The following RBM39 variants were observed in gnomAD, a reference collection of about 807,000 sequenced individuals.
RBM39 encodes the protein RNA-binding protein 39.
RBM39 carries 12 observed loss-of-function variants against 79.6 expected under a neutral mutation model. That is an observed-to-expected ratio of 0.15 (90% CI 0.10 to 0.24). The LOEUF (loss-of-function observed/expected upper bound fraction) is 0.24, where lower values mean the gene tolerates loss of function less well. Among genes scored for constraint, RBM39 ranks in the 10% least tolerant of loss-of-function variants. The pLI is 1.00. For synonymous variants in RBM39, 185 were observed against 208.4 expected (o/e 0.89, Z 0.97); for missense variants, 243 against 653.4 (o/e 0.37, Z 6.85).
At chr20:35,724,862 A>G (rs773715172) in intron 7 of RBM39, 140 bp from the exon 8 acceptor site, 5 of 1,171,498 alleles carry the variant, frequency 4.3e-6, no homozygotes, top group Admixed American at 2.5e-5. Context: ...CCTATATCCT[A>G]TCTTTATCTT....
At chr20:35,734,219 A>G in intron 3 of RBM39, 1 of 1,303,760 alleles carries the variant, frequency 7.7e-7, no homozygotes, top group Non-Finnish European at 1.0e-6. Flanking sequence ...CTCCAATCAC[A>G]AGGAGATGTA....
rs1600641114 is a variant in RBM39 at position 35,736,710 on chromosome 20, G to C, written c.101+2258C>G. The C allele has an allele frequency of 1.0e-5, 4 of 400,448 alleles. 1 individual carries two copies. Among genetic ancestry groups the C allele is most frequent in the African/African-American group, 8.4e-5 (4 of 47,658 alleles). The allele number at this position is 400,448 out of a possible 1,614,324, so 24.8% of individuals were successfully genotyped here. On this transcript the variant is annotated intron_variant, in intron 3 of 16. Transcript: ENST00000253363. ...TCTGTCTCCAGGCTGGAGTACAATGGCATAATCTCAGCTCATTACAACCTC... is the reference window on the plus strand; with the variant it reads ...TCTGTCTCCAGGCTGGAGTACAATGCCATAATCTCAGCTCATTACAACCTC...
intron 9 of RBM39, among the ~76,000 whole-genome samples, chr20:35,719,780 C>A (rs2037671727): frequency 6.6e-6 from 1 of 152,154 alleles, no homozygotes; most frequent in Non-Finnish European, 1.5e-5. Flanking sequence ...ACACAGATTT[C>A]TCAAATATCC....
chr20:35,707,917 C>A, intron 13 of RBM39: 1 of 466,398 alleles, frequency 2.1e-6, no homozygotes, highest in Non-Finnish European at 4.4e-6. Context: ...AAAAATATTA[C>A]CAGTAGCTGT....
intron 2 of RBM39, chr20:35,739,863 GTTTAT>G (rs1378773004): frequency 3.4e-5 from 6 of 175,458 alleles, no homozygotes; most frequent in South Asian, 1.1e-4. Flanking sequence ...TTAGTGAAAT[GTTTAT>G]TTTAAAGTTT....
chr20:35,736,443 T>A (rs75134728), intron 3 of RBM39: 3 of 301,048 alleles, frequency 1.0e-5, no homozygotes, highest in Non-Finnish European at 2.1e-5. Context: ...AAAAAAAAAA[T>A]AGTGGCTTAA....
chr20:35,741,759 G>C (rs1232461450), intron 1 of RBM39, 182 bp downstream of exon 1: 1 of 151,172 alleles, frequency 6.6e-6, no homozygotes, highest in Non-Finnish European at 1.5e-5. Flanking sequence ...GGTCCCTACC[G>C]CCCCAAGAAT....
chr20:35,714,454 A>C, intron 10 of RBM39, 65 bp from the exon 11 acceptor site: 1 of 1,465,174 alleles, frequency 6.8e-7, no homozygotes, highest in Non-Finnish European at 9.0e-7. Context: ...AACTATACTT[A>C]AAAATATATT....
chr20:35,713,458 T>C (rs1444667083), intron 11 of RBM39: 1 of 174,054 alleles, frequency 5.7e-6, no homozygotes, highest in Non-Finnish European at 1.2e-5. Flanking sequence ...CCTGAGTAGC[T>C]GGGATTACAG....
intron 8 of RBM39, among the ~76,000 whole-genome samples, chr20:35,723,230 C>CA (rs200651582): frequency 3.2e-3 from 395 of 123,014 alleles, no homozygotes; most frequent in Middle Eastern, 4.2e-3. Context: ...AAGATCGCCT[C>CA]AAAAAAAAAA....
chr20:35,721,545 ATAACAG>A (rs915514644), intron 9 of RBM39, among the ~76,000 whole-genome samples, 189 bp downstream of exon 9: 107 of 152,366 alleles, frequency 7.0e-4, no homozygotes, highest in African/African-American at 2.4e-3. Context: ...GGCATTATGA[ATAACAG>A]TAACATTCTT....
In RBM39 at chr20:35,723,194, G is replaced by A. The variant is rs184198197; in HGVS notation, c.688-1317C>T. Among the ~76,000 whole-genome samples, 125 of 149,924 alleles carry A rather than the reference G, an allele frequency of 8.3e-4. 2 individuals are homozygous for A. The highest frequency in any genetic ancestry group is 8.3e-3 in the Admixed American group (125 of 15,038). ...AACTGTATCACCAAGCAAACATTTT[G>A]AGTCAGCTGTCATCCCTCCATAACC... On this transcript the variant is annotated intron_variant, in intron 8 of 16. Transcript: ENST00000253363.
chr20:35,716,478 A>C (rs907500487), intron 10 of RBM39, among the ~76,000 whole-genome samples: 2 of 152,340 alleles, frequency 1.3e-5, no homozygotes, highest in African/African-American at 4.8e-5. Context: ...AAAAAATTTT[A>C]GGAGTACCTA....
At chr20:35,706,494 G>A (rs376677429) in intron 14 of RBM39, among the ~76,000 whole-genome samples, 10 of 152,246 alleles carry the variant, frequency 6.6e-5, no homozygotes, top group African/African-American at 9.6e-5. Flanking sequence ...TATATGAAAT[G>A]TAACTTATTG....
At chr20:35,735,395 AT>A (rs970033276) in intron 3 of RBM39, among the ~76,000 whole-genome samples, 2 of 152,210 alleles carry the variant, frequency 1.3e-5, no homozygotes, top group Non-Finnish European at 2.9e-5. Context: ...TCCTTTTACT[AT>A]TCTAGGATAC....
chr20:35,720,320 T>C (rs969502803), intron 9 of RBM39, among the ~76,000 whole-genome samples: 2 of 152,126 alleles, frequency 1.3e-5, no homozygotes, highest in African/African-American at 4.8e-5. Context: ...AAGACCACAA[T>C]GCCAGACACA....
In RBM39 at chr20:35,702,114, C is replaced by G. The variant is rs2035311411; in HGVS notation, c.*2367G>C. 6.6e-6 allele frequency: 1 copy of G among 152,156 alleles called. No individual in the cohort carries two copies. Among genetic ancestry groups the G allele is most frequent in the Non-Finnish European group, 1.5e-5 (1 of 68,046 alleles). 9.4% of individuals were successfully genotyped at this position (152,156 alleles called of 1,614,324 possible). A position where few individuals can be genotyped will look rare whatever the true frequency, so the allele number is the denominator to read the frequency against. ...TGAGGCAGTTGTCCATCTCACCTGC[C>G]CAGGCCACGCAGACCCTGGAGTTAC... is the stretch of plus-strand genomic sequence containing the variant. On this transcript the variant is annotated 3_prime_UTR_variant, in exon 17 of 17. Coordinates refer to ENST00000253363, the MANE Select transcript of RBM39 (RefSeq NM_184234.3).
intron 13 of RBM39, among the ~76,000 whole-genome samples, chr20:35,708,464 T>C (rs1218176618): frequency 6.6e-6 from 1 of 152,118 alleles, no homozygotes; most frequent in African/African-American, 2.4e-5. Context: ...CAGAACACAG[T>C]AAATCTAGGA....
At position 35,722,432 on chromosome 20, in the gene RBM39, A is replaced by T. The variant is rs961989208; in HGVS notation, c.688-555T>A. 1.4e-3 allele frequency among the ~76,000 whole-genome samples: 206 copies of T among 146,824 alleles called. 5 individuals carry two copies. The highest frequency in any genetic ancestry group is 5.0e-3 in the African/African-American group (199 of 39,590). ...AAAAAAAATAAAAATAAAAAAAAAA[A>T]TAAAAATAAAAAGTTTATTTAGAGG... On this transcript the variant is annotated intron_variant, in intron 8 of 16. Transcript: ENST00000253363.
Sources: allele counts gnomAD v4.1 joint callset (sites outside exome capture counted in the v4.1 genomes callset), GRCh38; gene constraint gnomAD v4.1.1; transcripts MANE v1.5; gene names NCBI Gene and HGNC (gene_info 2026-07-23, HGNC 2026-07-21).